The following ZNF423 variants were observed in gnomAD, a reference collection of about 807,000 sequenced individuals.
ZNF423 encodes the protein zinc finger protein 423, also known as Ebf-associated zinc finger protein.
ZNF423 carries 12 observed loss-of-function variants against 95.8 expected under a neutral mutation model. The observed-to-expected ratio is 0.13, with a 90% CI of 0.08 to 0.20. The LOEUF (loss-of-function observed/expected upper bound fraction) is 0.20, where lower values mean the gene tolerates loss of function less well. Ranked by LOEUF, ZNF423 falls within the 10% of genes least tolerant of loss-of-function variation. The pLI, the probability that ZNF423 is intolerant of heterozygous loss-of-function variation, is 1.00. For synonymous variants in ZNF423, 749 were observed against 711.9 expected (o/e 1.05, Z -0.83); for missense variants, 1,316 against 1,737.1 (o/e 0.76, Z 4.31).
intron 5 of ZNF423, among the ~76,000 whole-genome samples, chr16:49,599,326 T>C (rs1260774900): frequency 6.6e-6 from 1 of 152,214 alleles, no homozygotes; most frequent in African/African-American, 2.4e-5. Context: ...GCAATCAGTA[T>C]ACAACAATCT....
chr16:49,820,053 GATGGATGGATGGATGGATGC>G (rs1349406335), intron 1 of ZNF423, among the ~76,000 whole-genome samples: 1 of 151,998 alleles, frequency 6.6e-6, no homozygotes, highest in African/African-American at 2.4e-5. Context: ...TGGATGGATG[GATGGATGGATGGATGGATGC>G]ATGGATGGAT....
At chr16:49,561,664 A>G (rs71382758) in intron 5 of ZNF423, among the ~76,000 whole-genome samples, 12,510 of 152,190 alleles carry the variant, frequency 0.082, 677 homozygotes, top group East Asian at 0.16. Context: ...AATTTGCTGC[A>G]CTTGTATTTT....
At chr16:49,609,168 G>A (rs1372724637) in intron 5 of ZNF423, among the ~76,000 whole-genome samples, 3 of 152,104 alleles carry the variant, frequency 2.0e-5, no homozygotes, top group Admixed American at 1.3e-4. Context: ...GGGAGGAAAC[G>A]AGCCTGGAAT....
chr16:49,608,992 C>A (rs1971629604), intron 5 of ZNF423, among the ~76,000 whole-genome samples: 1 of 152,166 alleles, frequency 6.6e-6, no homozygotes, highest in African/African-American at 2.4e-5. Flanking sequence ...GTAACAAGGC[C>A]TTTCCCCATG....
In ZNF423 at chr16:49,488,483, A is replaced by G. The variant is rs73580811; in HGVS notation, c.*2792T>C. 0.14 allele frequency: 21,353 copies of G among 152,240 alleles called. 1,527 individuals carry two copies. Among genetic ancestry groups the G allele is most frequent in the Middle Eastern group, 0.22 (63 of 292 alleles). 9.4% of individuals were successfully genotyped at this position (152,240 alleles called of 1,614,324 possible). ...CAGCAGCAATGAACCTTAGGCTTTC[A>G]GTCACCTCGCCCACTCCCCAAAGCC... On this transcript the variant is annotated 3_prime_UTR_variant, in exon 8 of 8. Coordinates refer to ENST00000563137, the MANE Select transcript of ZNF423 (RefSeq NM_001379286.1).
At chr16:49,848,609 A>G (rs1257353960) in intron 1 of ZNF423, among the ~76,000 whole-genome samples, 1 of 152,184 alleles carries the variant, frequency 6.6e-6, no homozygotes, top group Non-Finnish European at 1.5e-5. Context: ...AAATTAGCAC[A>G]TCCACAGAGC....
chr16:49,706,765 A>G (rs1190233083), intron 3 of ZNF423, among the ~76,000 whole-genome samples: 4 of 152,212 alleles, frequency 2.6e-5, no homozygotes, highest in African/African-American at 7.2e-5. Flanking sequence ...TCTGGCTTCA[A>G]AAGGCCAGGT....
intron 5 of ZNF423, among the ~76,000 whole-genome samples, chr16:49,598,516 G>A (rs1432232702): frequency 1.3e-5 from 2 of 152,204 alleles, no homozygotes; most frequent in Non-Finnish European, 2.9e-5. Flanking sequence ...CTGTGTAGAG[G>A]AGAAAGGGGG....
chr16:49,528,940 A>T (rs556303372), intron 5 of ZNF423, among the ~76,000 whole-genome samples: 1 of 152,016 alleles, frequency 6.6e-6, no homozygotes, highest in Admixed American at 6.6e-5. Context: ...CCCAAGATGC[A>T]GGGTCCGCCG....
intron 3 of ZNF423, among the ~76,000 whole-genome samples, chr16:49,709,293 C>T (rs1002387948): frequency 2.6e-5 from 4 of 151,818 alleles, no homozygotes; most frequent in African/African-American, 9.7e-5. Flanking sequence ...GAGGTCAGGA[C>T]GCTGCTGTTC....
intron 5 of ZNF423, among the ~76,000 whole-genome samples, chr16:49,609,825 C>G (rs1040680809): frequency 4.0e-5 from 6 of 151,750 alleles, no homozygotes; most frequent in Non-Finnish European, 7.4e-5. Flanking sequence ...TAGATGTATT[C>G]GAGAAGCTGA....
At chr16:49,797,988 T>C (rs1228482368) in intron 1 of ZNF423, among the ~76,000 whole-genome samples, 2 of 152,190 alleles carry the variant, frequency 1.3e-5, no homozygotes, top group Non-Finnish European at 2.9e-5. Flanking sequence ...GGCAGGACGA[T>C]TGCTTGAGCC....
chr16:49,629,932 G>T (rs139301096), intron 4 of ZNF423, among the ~76,000 whole-genome samples: 1 of 152,192 alleles, frequency 6.6e-6, no homozygotes, highest in Non-Finnish European at 1.5e-5. Flanking sequence ...AATGCTGCTT[G>T]AACAAATGAA....
intron 1 of ZNF423, among the ~76,000 whole-genome samples, chr16:49,842,366 CAGGA>C (rs779305459): frequency 0.024 from 1,567 of 64,504 alleles, 8 homozygotes; most frequent in Non-Finnish European, 0.033. Context: ...GGGAGAGAGA[CAGGA>C]AGGAAGGAAG....
intron 1 of ZNF423, chr16:49,854,378 A>G (rs1379375716): frequency 3.0e-6 from 3 of 985,432 alleles, no homozygotes; most frequent in Non-Finnish European, 3.6e-6. Flanking sequence ...GAGTGTCTCA[A>G]GATCCTCCTT....
intron 1 of ZNF423, among the ~76,000 whole-genome samples, chr16:49,818,362 C>T (rs1050592658): frequency 1.3e-5 from 2 of 152,080 alleles, no homozygotes; most frequent in African/African-American, 4.8e-5. Context: ...TGACCCCATG[C>T]TGTCCAATAC....
chr16:49,762,065 G>A (rs774114192), intron 2 of ZNF423, among the ~76,000 whole-genome samples: 3 of 152,166 alleles, frequency 2.0e-5, no homozygotes, highest in African/African-American at 4.8e-5. Flanking sequence ...TCCCACCTCA[G>A]CATCCCAAAG....
At chr16:49,499,986 A>G (rs1351544758) in intron 7 of ZNF423, among the ~76,000 whole-genome samples, 1 of 152,138 alleles carries the variant, frequency 6.6e-6, no homozygotes, top group African/African-American at 2.4e-5. Flanking sequence ...TGCACTTCAG[A>G]ATGCAAATGG....
intron 1 of ZNF423, among the ~76,000 whole-genome samples, chr16:49,842,410 A>AAGGAAGGAAGGAAGGAAGGAAGGAAGGC (rs1448904663): frequency 2.2e-4 from 17 of 77,944 alleles, no homozygotes; most frequent in African/African-American, 6.2e-4. Flanking sequence ...GGAAGGAAGG[A>AAGGAAGGAAGGAAGGAAGGAAGGAAGGC]AGGCAGGCAG....
Sources: allele counts gnomAD v4.1 joint callset (sites outside exome capture counted in the v4.1 genomes callset), GRCh38; gene constraint gnomAD v4.1.1; transcripts MANE v1.5; gene names NCBI Gene and HGNC (gene_info 2026-07-23, HGNC 2026-07-21).